The following ZNF804A variants were observed in gnomAD, a reference collection of about 807,000 sequenced individuals.
The protein encoded by ZNF804A is zinc finger protein 804A.
Under a neutral mutation model 16.5 loss-of-function variants are expected in ZNF804A, and 2 were observed. That is an observed-to-expected ratio of 0.12 (90% CI 0.05 to 0.38). ZNF804A has a LOEUF of 0.38. Among genes scored for constraint, ZNF804A ranks in the 10% least tolerant of loss-of-function variants. ZNF804A has a pLI of 0.99. For synonymous variants in ZNF804A, 534 were observed against 489.6 expected (o/e 1.09, Z -1.20); for missense variants, 1,473 against 1,390.7 (o/e 1.06, Z -0.94).
At chr2:184,897,685 G>A (rs115735168) in intron 2 of ZNF804A, among the ~76,000 whole-genome samples, 9,387 of 151,916 alleles carry the variant, frequency 0.062, 989 homozygotes, top group African/African-American at 0.21. Context: ...CTTATACTTT[G>A]GTTTGCAATC....
chr2:184,743,555 C>A (rs1369276805), intron 1 of ZNF804A, among the ~76,000 whole-genome samples: 1 of 151,824 alleles, frequency 6.6e-6, no homozygotes, highest in Admixed American at 6.6e-5. Flanking sequence ...AAGATAAAAT[C>A]ACAGAAACAA....
At chr2:184,768,392 T>G (rs1418843140) in intron 1 of ZNF804A, among the ~76,000 whole-genome samples, 1 of 152,102 alleles carries the variant, frequency 6.6e-6, no homozygotes, top group Non-Finnish European at 1.5e-5. Flanking sequence ...CCTAGTGGAC[T>G]TTATGAAACA....
At chr2:184,811,757 T>A (rs565299267) in intron 1 of ZNF804A, among the ~76,000 whole-genome samples, 2 of 152,246 alleles carry the variant, frequency 1.3e-5, no homozygotes, top group South Asian at 4.1e-4. Flanking sequence ...AAATAAGTCA[T>A]CAAAATTTAG....
chr2:184,643,283 ATTTG>A (rs1348460433), intron 1 of ZNF804A, among the ~76,000 whole-genome samples: 1 of 151,902 alleles, frequency 6.6e-6, no homozygotes, highest in African/African-American at 2.4e-5. Context: ...TTTGTTTGTC[ATTTG>A]TTTGTCATAT....
intron 2 of ZNF804A, among the ~76,000 whole-genome samples, chr2:184,895,526 T>A (rs1685050981): frequency 6.6e-6 from 1 of 152,114 alleles, no homozygotes; most frequent in Non-Finnish European, 1.5e-5. Context: ...GAAACAGAAA[T>A]ACATAGCAAG....
At chr2:184,777,193 A>C (rs7603313) in intron 1 of ZNF804A, among the ~76,000 whole-genome samples, 20,985 of 151,442 alleles carry the variant, frequency 0.14, 1,573 homozygotes, top group Middle Eastern at 0.24. Context: ...ACTATTAATA[A>C]ACTCTTCTAC....
intron 1 of ZNF804A, among the ~76,000 whole-genome samples, chr2:184,846,832 A>C (rs1173857275): frequency 6.6e-6 from 1 of 152,090 alleles, no homozygotes; most frequent in African/African-American, 2.4e-5. Flanking sequence ...CCAGCGATGA[A>C]AAATAAAACA....
chr2:184,710,070 A>T (rs1655001198), intron 1 of ZNF804A, among the ~76,000 whole-genome samples: 1 of 151,106 alleles, frequency 6.6e-6, no homozygotes. Context: ...TTTATTTGTT[A>T]TTCTTTTTCT....
Position 184,669,108 on chromosome 2 carries a change from T to G in ZNF804A, c.111+70038T>G, listed in dbSNP as rs575740383. ...CAACTCTGCTACCCTTCCTTTATTG[T>G]GTGAAAAATGGTATTATGAGACAGA... On this transcript the variant is annotated intron_variant, in intron 1 of 3. Coordinates refer to ENST00000302277, the MANE Select transcript of ZNF804A (RefSeq NM_194250.2). Among the ~76,000 whole-genome samples, 10 of 152,102 alleles carry G rather than the reference T, an allele frequency of 6.6e-5. No homozygotes were observed. The South Asian group carries it at 8.3e-4, about 13-fold the overall frequency.
intron 1 of ZNF804A, among the ~76,000 whole-genome samples, chr2:184,685,185 C>T (rs1692608757): frequency 6.6e-6 from 1 of 152,030 alleles, no homozygotes; most frequent in African/African-American, 2.4e-5. Context: ...TAGGTGCTGG[C>T]TTCGTGTGAG....
chr2:184,905,915 T>A (rs894111601), intron 2 of ZNF804A, among the ~76,000 whole-genome samples: 8 of 152,334 alleles, frequency 5.3e-5, no homozygotes, highest in African/African-American at 1.9e-4. Flanking sequence ...GCTTGCAGAT[T>A]CAGTGTTCTG....
intron 1 of ZNF804A, among the ~76,000 whole-genome samples, chr2:184,836,572 T>G (rs1695348391): frequency 1.3e-5 from 2 of 152,144 alleles, no homozygotes; most frequent in South Asian, 4.1e-4. Context: ...AATATAAATA[T>G]CATAGAATTG....
intron 1 of ZNF804A, among the ~76,000 whole-genome samples, chr2:184,624,839 T>C (rs1691471882): frequency 6.6e-6 from 1 of 152,182 alleles, no homozygotes; most frequent in South Asian, 2.1e-4. Flanking sequence ...ATTAAATTAA[T>C]GAGTAACACT....
intron 1 of ZNF804A, among the ~76,000 whole-genome samples, chr2:184,656,055 G>A (rs978718396): frequency 5.3e-5 from 8 of 151,798 alleles, no homozygotes; most frequent in Non-Finnish European, 7.4e-5. Context: ...TTCCTAGGTC[G>A]TTGAGCAAAT....
rs565479627 is a variant in ZNF804A, at chr2:184,906,645, T to C, written c.256-26958T>C. ...TCTTTACTTTATTCTCTGTGGTAGGTGGGATTCTAAGATGGCCATCAAGAT... is the reference window on the plus strand; with the variant it reads ...TCTTTACTTTATTCTCTGTGGTAGGCGGGATTCTAAGATGGCCATCAAGAT... On this transcript the variant is annotated intron_variant, in intron 2 of 3. Transcript: ENST00000302277. Among the ~76,000 whole-genome samples the C allele has an allele frequency of 1.4e-4, 21 of 152,168 alleles. No individual in the cohort carries two copies. The South Asian group carries it at 3.9e-3, about 29-fold the overall frequency.
rs779929990 is a variant in ZNF804A at position 184,695,465 on chromosome 2, T to TAAAAAAAAA, written c.111+96414_111+96422dup. On this transcript the variant is annotated intron_variant, in intron 1 of 3. Transcript: ENST00000302277. ...GGGCGACAGAGCGAGACTCCGTCAT[T>TAAAAAAAAA]AAAAAAAAAAAAAAAAAAAAAAAAA... is the stretch of plus-strand genomic sequence containing the variant. Among the ~76,000 whole-genome samples, 115 of 51,820 alleles carry TAAAAAAAAA rather than the reference T, an allele frequency of 2.2e-3. 4 individuals are homozygous for TAAAAAAAAA. Among genetic ancestry groups the TAAAAAAAAA allele is most frequent in the African/African-American group, 0.01 (111 of 10,594 alleles). The allele number at this position is 51,820 out of a possible 152,430, so 34.0% of individuals were successfully genotyped here.
At chr2:184,851,796 C>A (rs1186916808) in intron 1 of ZNF804A, among the ~76,000 whole-genome samples, 1 of 151,772 alleles carries the variant, frequency 6.6e-6, no homozygotes, top group African/African-American at 2.4e-5. Context: ...AATTTACATA[C>A]CCACCAACAG....
chr2:184,765,603 GC>G lies in ZNF804A; in HGVS notation c.112-100765del, dbSNP rs1313344639. Among the ~76,000 whole-genome samples the G allele has an allele frequency of 7.6e-5, 5 of 65,436 alleles. No homozygotes were observed. In the East Asian group the frequency reaches 1.7e-3, roughly 22 times the overall value. The allele number at this position is 65,436 out of a possible 152,430, so 42.9% of individuals were successfully genotyped here. On this transcript the variant is annotated intron_variant, in intron 1 of 3. Transcript: ENST00000302277. ...TCAATCAATCACTACCCCCTCACAT[GC>G]ACCCCCCCCCCTTAGAGTCGTGAGC...
rs141561829 is a variant in ZNF804A, at chr2:184,937,769, A to G, written c.2373A>G (p.Leu791=). 6.9e-5 allele frequency: 111 copies of G among 1,614,022 alleles called. 1 individual carries two copies. The Admixed American group carries it at 1.1e-3, about 16-fold the overall frequency. Residue 791 remains leucine (L), a synonymous_variant, in exon 4 of 4, where the codon TTA becomes TTG. Transcript: ENST00000302277. ...SDESLNRQNH[L]PEEFLRPPST... ...AAAGTTTAAATCGACAGAATCATTT[A>G]CCAGAAGAATTTTTGAGGCCACCAA...
Sources: allele counts gnomAD v4.1 joint callset (sites outside exome capture counted in the v4.1 genomes callset), GRCh38; gene constraint gnomAD v4.1.1; transcripts MANE v1.5; gene names NCBI Gene and HGNC (gene_info 2026-07-23, HGNC 2026-07-21).